The following CAST variants were observed in gnomAD, a reference collection of about 807,000 sequenced individuals.
CAST encodes calpastatin, also known as MIR583 host.
A neutral mutation model predicts 119.6 loss-of-function variants in CAST; 76 were observed. That is an observed-to-expected ratio of 0.64 (90% CI 0.53 to 0.77). The LOEUF (loss-of-function observed/expected upper bound fraction) is 0.77. Among genes scored for constraint, CAST ranks in the 30% least tolerant of loss-of-function variants. CAST has a pLI of 0.00. For missense variants in CAST, 953 were observed against 946.5 expected (o/e 1.01, Z -0.09); for synonymous variants, 319 against 331.6 (o/e 0.96, Z 0.41).
chr5:96,213,973 A>G, the CAST span, among the ~76,000 whole-genome samples: 19,783 of 152,170 alleles, frequency 0.13, 1,814 homozygotes, highest in African/African-American at 0.23. Context: ...AACAAAGTAT[A>G]TATACTGTTC....
chr5:96,400,799 C>T, the CAST span, among the ~76,000 whole-genome samples: 30 of 152,218 alleles, frequency 2.0e-4, no homozygotes, highest in African/African-American at 7.2e-4. Flanking sequence ...TAGAAGTTTA[C>T]AATCCAGGCT....
At chr5:96,404,143 C>T in the CAST span, among the ~76,000 whole-genome samples, 1 of 152,196 alleles carries the variant, frequency 6.6e-6, no homozygotes, top group Non-Finnish European at 1.5e-5. Context: ...CTCCAAGATA[C>T]ACCTACTAAC....
the CAST span, among the ~76,000 whole-genome samples, chr5:96,129,414 G>C: frequency 2.0e-5 from 3 of 152,062 alleles, no homozygotes; most frequent in African/African-American, 4.8e-5. Context: ...ACAAGAGGAA[G>C]TCTTGTCCTG....
At chr5:96,168,405 C>T in the CAST span, among the ~76,000 whole-genome samples, 3 of 152,148 alleles carry the variant, frequency 2.0e-5, no homozygotes, top group Admixed American at 1.3e-4. Context: ...CTCTTTCTGC[C>T]TATACAACAG....
the CAST span, among the ~76,000 whole-genome samples, chr5:96,347,468 A>G: frequency 6.6e-6 from 1 of 152,204 alleles, no homozygotes; most frequent in African/African-American, 2.4e-5. Flanking sequence ...GACCTCTGTC[A>G]TGCAGCAGCA....
chr5:96,235,105 C>G, the CAST span, among the ~76,000 whole-genome samples: 2 of 152,084 alleles, frequency 1.3e-5, no homozygotes. Context: ...TAAATTTTCC[C>G]AAAGGTGCCC....
chr5:96,316,484 C>A, the CAST span, among the ~76,000 whole-genome samples: 1 of 152,150 alleles, frequency 6.6e-6, no homozygotes, highest in Admixed American at 6.5e-5. Context: ...GATGTGCAAA[C>A]CTGGGACTAG....
chr5:96,745,716 G>T (rs1182232863), intron 16 of CAST, among the ~76,000 whole-genome samples: 1 of 152,196 alleles, frequency 6.6e-6, no homozygotes, highest in African/African-American at 2.4e-5. Context: ...GCAGCTAGTT[G>T]TTCATGGTTC....
the CAST span, among the ~76,000 whole-genome samples, chr5:96,050,866 G>A: frequency 6.6e-6 from 1 of 152,108 alleles, no homozygotes; most frequent in Non-Finnish European, 1.5e-5. Context: ...GGAAATGTGG[G>A]TCCAGGGGCA....
chr5:96,112,795 G>A, the CAST span, among the ~76,000 whole-genome samples: 2 of 152,142 alleles, frequency 1.3e-5, no homozygotes, highest in African/African-American at 4.8e-5. Context: ...CCAACAACTG[G>A]ACAAAATCAT....
chr5:96,742,397 G>T, intron 15 of CAST: 1 of 412,312 alleles, frequency 2.4e-6, no homozygotes, highest in Non-Finnish European at 4.4e-6. Context: ...TTTATGTCTA[G>T]CTTACCAAAT....
chr5:96,154,167 ACT>A, the CAST span, among the ~76,000 whole-genome samples: 1 of 151,966 alleles, frequency 6.6e-6, no homozygotes, highest in Admixed American at 6.6e-5. Flanking sequence ...AGTCCCAGCT[ACT>A]CAAGAGGCTG....
intron 1 of CAST, among the ~76,000 whole-genome samples, chr5:96,534,891 A>G (rs1003709692): frequency 6.7e-6 from 1 of 149,642 alleles, no homozygotes; most frequent in African/African-American, 2.5e-5. Context: ...AAAGAAAGAA[A>G]GAAGGAAAGA....
intron 3 of CAST, among the ~76,000 whole-genome samples, chr5:96,699,569 G>C (rs1434353210): frequency 6.6e-6 from 1 of 152,220 alleles, no homozygotes; most frequent in Admixed American, 6.5e-5. Context: ...CAATGCAGAA[G>C]ACTCAAAATC....
chr5:96,640,324 G>A (rs887849003), intron 1 of CAST, among the ~76,000 whole-genome samples: 2 of 152,132 alleles, frequency 1.3e-5, no homozygotes, highest in Non-Finnish European at 2.9e-5. Context: ...GATGGACAAA[G>A]GAAGAAGAGA....
chr5:96,206,078 G>T, the CAST span, among the ~76,000 whole-genome samples: 1 of 151,926 alleles, frequency 6.6e-6, no homozygotes, highest in Non-Finnish European at 1.5e-5. Context: ...GGGATGTTGA[G>T]AATTTTTTGA....
At chr5:96,043,634 G>A in the CAST span, among the ~76,000 whole-genome samples, 1 of 152,128 alleles carries the variant, frequency 6.6e-6, no homozygotes, top group Non-Finnish European at 1.5e-5. Flanking sequence ...AACATCTAGA[G>A]GTAAGAAAAG....
the CAST span, among the ~76,000 whole-genome samples, chr5:96,434,911 G>T: frequency 1.3e-5 from 2 of 152,206 alleles, no homozygotes; most frequent in Admixed American, 6.5e-5. Flanking sequence ...ATGTGACATG[G>T]TTAAGTGTTT....
intron 1 of CAST, among the ~76,000 whole-genome samples, chr5:96,534,369 CGTT>C (rs753091785): frequency 1.3e-4 from 19 of 150,814 alleles, no homozygotes; most frequent in Admixed American, 3.3e-4. Context: ...TTTAAGAAAC[CGTT>C]ACTTGTCCTG....
Sources: allele counts gnomAD v4.1 joint callset (sites outside exome capture counted in the v4.1 genomes callset), GRCh38; gene constraint gnomAD v4.1.1; transcripts MANE v1.5; gene names NCBI Gene and HGNC (gene_info 2026-07-23, HGNC 2026-07-21).